IL18: variants seen among roughly 807,000 people sequenced by gnomAD.
IL18 encodes interleukin-18.
Under a neutral mutation model 14.2 loss-of-function variants are expected in IL18, and 8 were observed. The ratio of observed to expected loss-of-function variants is 0.56; its 90% CI spans 0.33 to 1.01. The LOEUF (loss-of-function observed/expected upper bound fraction) is 1.01, where lower values mean the gene tolerates loss of function less well. IL18 is among the 50% of genes least tolerant of loss of function. The probability of loss-of-function intolerance (pLI) is 0.03; values close to 1 mark genes in which losing one functional copy is unlikely to be tolerated. For synonymous variants in IL18, 67 were observed against 71.0 expected (o/e 0.94, Z 0.28); for missense variants, 166 against 231.1 (o/e 0.72, Z 1.83).
chr11:112,156,747 C>G (rs2135320647), intron 1 of IL18, among the ~76,000 whole-genome samples: 1 of 151,696 alleles, frequency 6.6e-6, no homozygotes, highest in Middle Eastern at 3.4e-3. Flanking sequence ...GCCTGGCCAA[C>G]ACATTTAAAT....
At chr11:112,158,584 A>ATAAAATTATT in intron 1 of IL18, among the ~76,000 whole-genome samples, 1 of 145,058 alleles carries the variant, frequency 6.9e-6, no homozygotes, top group Non-Finnish European at 1.5e-5. Flanking sequence ...ATTATCATAT[A>ATAAAATTATT]TAAAATTATT....
Position 112,155,011 on chromosome 11 carries a change from C to G in IL18, c.43G>C (p.Ala15Pro), listed in dbSNP as rs1866509148. 1 of 1,612,624 alleles carries G rather than the reference C, an allele frequency of 6.2e-7. No homozygotes were observed. The highest frequency in any genetic ancestry group is 8.5e-7 in the Non-Finnish European group (1 of 1,178,878). ...PVEDNCINFVAMKFIDNTLYF... is the reference protein window; with the variant it reads ...PVEDNCINFVPMKFIDNTLYF... ...AGCGTATTGTCAATAAATTTCATTG[C>G]CACAAAGTTGATGCAATTGTCTTCT... Residue 15 changes from alanine (A) to proline (P), a missense_variant, in exon 2 of 6, where the codon GCA becomes CCA. Physicochemically the swap from Ala to Pro is conservative, Grantham distance 27. Transcript: ENST00000280357.
chr11:112,147,289 T>C (rs5744267), intron 5 of IL18, among the ~76,000 whole-genome samples: 6,151 of 152,282 alleles, frequency 0.04, 182 homozygotes, highest in Non-Finnish European at 0.061. Context: ...CCCCCAAATA[T>C]GGATTTGCCC....
intron 4 of IL18, among the ~76,000 whole-genome samples, chr11:112,149,785 G>A (rs5744262): frequency 1.3e-5 from 2 of 151,926 alleles, no homozygotes; most frequent in African/African-American, 4.8e-5. Flanking sequence ...CAGGGATTAA[G>A]CATCCAACTA....
chr11:112,153,919 C>T lies in IL18; in HGVS notation c.80-316G>A, dbSNP rs145044174. Among the ~76,000 whole-genome samples, 66 of 151,818 alleles carry T rather than the reference C, an allele frequency of 4.3e-4. 1 individual carries two copies. In the East Asian group the frequency reaches 9.7e-3, roughly 22 times the overall value. On this transcript the variant is annotated intron_variant, in intron 2 of 5. Transcript: ENST00000280357. ...TTTACTTTTAAATTTATTGCTTAAA[C>T]GGAAAGTCACCTAAGAAAAGTCAAC... is the stretch of plus-strand genomic sequence containing the variant.
chr11:112,153,976 T>C (rs577555315), intron 2 of IL18, among the ~76,000 whole-genome samples: 3 of 152,058 alleles, frequency 2.0e-5, no homozygotes, highest in Admixed American at 1.3e-4. Context: ...TTTTTTTGTG[T>C]GTGTGTGTCA....
intron 1 of IL18, among the ~76,000 whole-genome samples, chr11:112,156,209 G>A (rs1866528729): frequency 6.6e-6 from 1 of 151,994 alleles, no homozygotes; most frequent in Non-Finnish European, 1.5e-5. Flanking sequence ...GAGTAAGCAG[G>A]AATTTAAAAC....
chr11:112,158,518 G>T (rs1386488152), intron 1 of IL18, among the ~76,000 whole-genome samples: 1 of 23,448 alleles, frequency 4.3e-5, no homozygotes, highest in Non-Finnish European at 1.0e-4. Flanking sequence ...ATATTTATTT[G>T]GAGTTTTTTT....
chr11:112,143,366 T>C lies in IL18; in HGVS notation c.*230A>G, dbSNP rs360727. ...TGCAATCTCGGCTCACCACAACCTCTACCTCCGGAGTGCAAGTGATTCTCC... is the reference window on the plus strand; with the variant it reads ...TGCAATCTCGGCTCACCACAACCTCCACCTCCGGAGTGCAAGTGATTCTCC... On this transcript the variant is annotated 3_prime_UTR_variant, in exon 6 of 6. Coordinates refer to ENST00000280357, the MANE Select transcript of IL18 (RefSeq NM_001562.4). 0.97 allele frequency: 358,382 copies of C among 369,870 alleles called. 173,790 individuals carry two copies. Among genetic ancestry groups the C allele is most frequent in the East Asian group, 1 (20,289 of 20,294 alleles). The allele number at this position is 369,870 out of a possible 1,614,324, so 22.9% of individuals were successfully genotyped here. A position where few individuals can be genotyped will look rare whatever the true frequency, so the allele number is the denominator to read the frequency against.
chr11:112,159,499 G>T (rs780157883), intron 1 of IL18, among the ~76,000 whole-genome samples: 6 of 152,172 alleles, frequency 3.9e-5, no homozygotes, highest in Admixed American at 6.5e-5. Context: ...TTTCTCAGCT[G>T]ATCTGTTGTG....
chr11:112,154,162 A>T (rs1373869725), intron 2 of IL18, among the ~76,000 whole-genome samples: 1 of 152,176 alleles, frequency 6.6e-6, no homozygotes, highest in Non-Finnish European at 1.5e-5. Flanking sequence ...TCAGGCTTTT[A>T]AATGAAGGTT....
At chr11:112,158,176 G>A (rs1362668909) in intron 1 of IL18, among the ~76,000 whole-genome samples, 1 of 152,012 alleles carries the variant, frequency 6.6e-6, no homozygotes, top group African/African-American at 2.4e-5. Flanking sequence ...TAGTGAGGGG[G>A]GCGGGTTTCT....
chr11:112,159,023 G>C (rs967679008), intron 1 of IL18, among the ~76,000 whole-genome samples: 6 of 44,406 alleles, frequency 1.4e-4, no homozygotes, highest in Non-Finnish European at 2.8e-4. Flanking sequence ...TCAAATTTGT[G>C]TTTTAAAAAC....
Position 112,148,675 on chromosome 11 carries a change from C to T in IL18, c.288G>A (p.Met96Ile), listed in dbSNP as rs749416906. 4.6e-6 allele frequency: 7 copies of T among 1,509,928 alleles called. No individual in the cohort carries two copies. The highest frequency in any genetic ancestry group is 6.2e-6 in the Non-Finnish European group (7 of 1,120,238). 93.5% of individuals were successfully genotyped at this position (1,509,928 alleles called of 1,614,324 possible). Residue 96 changes from methionine to isoleucine, a missense_variant, in exon 5 of 6, where the codon ATG (methionine) becomes ATA (isoleucine). Physicochemically the swap from Met to Ile is conservative, Grantham distance 10 (BLOSUM62 1). Coordinates refer to ENST00000280357, the MANE Select transcript of IL18 (RefSeq NM_001562.4). ...SMYKDSQPRG[M>I]AVTISVKCEK... Reference sequence around the variant, plus strand: ...CACACTTCACAGAGATAGTTACAGCCATACCTCTAGGCTGGCTATCTTTAT... The same window carrying T: ...CACACTTCACAGAGATAGTTACAGCTATACCTCTAGGCTGGCTATCTTTAT...
At chr11:112,160,356 C>T (rs1489617806) in intron 1 of IL18, among the ~76,000 whole-genome samples, 1 of 151,160 alleles carries the variant, frequency 6.6e-6, no homozygotes, top group Non-Finnish European at 1.5e-5. Context: ...TCTTTCATCC[C>T]GTAACTCCCA....
chr11:112,161,412 G>T (rs1866629792), intron 1 of IL18, among the ~76,000 whole-genome samples: 1 of 152,140 alleles, frequency 6.6e-6, no homozygotes, highest in African/African-American at 2.4e-5. Flanking sequence ...GTGGCAAACG[G>T]CCTAGTAACC....
At chr11:112,162,064 G>GTTCATAA (rs1309413098) in intron 1 of IL18, among the ~76,000 whole-genome samples, 1 of 152,126 alleles carries the variant, frequency 6.6e-6, no homozygotes, top group Admixed American at 6.5e-5. Flanking sequence ...TTATGAATGC[G>GTTCATAA]TGTATGTGAG....
At chr11:112,148,561 T>C in intron 5 of IL18, 42 bp downstream of exon 5, 1 of 1,012,830 alleles carries the variant, frequency 9.9e-7, no homozygotes, top group Non-Finnish European at 1.4e-6. Context: ...ATTATATTAA[T>C]TATATTAACA....
intron 1 of IL18, among the ~76,000 whole-genome samples, chr11:112,158,001 C>T (rs547508409): frequency 5.4e-4 from 82 of 152,282 alleles, no homozygotes; most frequent in African/African-American, 1.9e-3. Flanking sequence ...GGATTACAGT[C>T]ATGCACCACC....
Sources: gnomAD v4.1 joint callset for allele counts (sites outside exome capture counted in the v4.1 genomes callset) on GRCh38, gnomAD v4.1.1 for gene constraint, MANE v1.5 for transcripts, NCBI Gene and HGNC (gene_info 2026-07-23, HGNC 2026-07-21) for gene names.